Variants in ATAD2B observed in about 807,000 individuals in gnomAD.
ATAD2B encodes ATPase family AAA domain-containing protein 2B.
In ATAD2B, 40 loss-of-function variants were observed where a neutral mutation model predicts 167.6. The ratio of observed to expected loss-of-function variants is 0.24; its 90% CI spans 0.19 to 0.31. The LOEUF (loss-of-function observed/expected upper bound fraction) is 0.31. Among genes scored for constraint, ATAD2B ranks in the 10% least tolerant of loss-of-function variants. The pLI is 1.00. For synonymous variants in ATAD2B, 579 were observed against 596.5 expected, an observed-to-expected ratio of 0.97 and a Z score of 0.43; for missense variants, 1,242 against 1,757.2, an observed-to-expected ratio of 0.71 and a Z score of 5.24.
the ATAD2B span, among the ~76,000 whole-genome samples, chr2:23,717,807 A>G: frequency 6.6e-6 from 1 of 152,240 alleles, no homozygotes; most frequent in Admixed American, 6.5e-5. Context: ...GGCATGTGAC[A>G]ATAATATAGG....
At position 23,751,726 on chromosome 2, in the gene ATAD2B, G is replaced by T; in HGVS notation, c.*320C>A. The stretch of plus-strand genomic sequence containing the variant: ...TTTGCTGGTCTGCTCCCTAAGAGAG[G>T]AGTCTCCAAAAGAGAGTGCACAAAA... On this transcript the variant is annotated 3_prime_UTR_variant, in exon 28 of 28. Transcript: ENST00000238789. 1 of 327,328 alleles carries T rather than the reference G, an allele frequency of 3.1e-6. No individual in the cohort carries two copies. The highest frequency in any genetic ancestry group is 5.6e-6 in the Non-Finnish European group (1 of 179,744). The allele number at this position is 327,328 out of a possible 1,614,324, so 20.3% of individuals were successfully genotyped here.
rs368061602 is a variant in ATAD2B at position 23,866,266 on chromosome 2, G to A, written c.1189-1342C>T. On this transcript the variant is annotated intron_variant, in intron 10 of 27. Coordinates refer to ENST00000238789, the MANE Select transcript of ATAD2B (RefSeq NM_017552.4). ...TAAAAAAATACAAAATTAGCTGGGC[G>A]TGGTGGCGCATGCTTGTAATCCCAG... Among the ~76,000 whole-genome samples, 22 of 152,262 alleles carry A rather than the reference G, an allele frequency of 1.4e-4. No homozygotes were observed. In the Middle Eastern group the frequency reaches 0.01, roughly 71 times the overall value.
chr2:23,733,534 G>A, the ATAD2B span, among the ~76,000 whole-genome samples: 7 of 152,226 alleles, frequency 4.6e-5, no homozygotes, highest in East Asian at 1.3e-3. Flanking sequence ...AACCTTAAAA[G>A]CCTCCAGTTC....
the ATAD2B span, among the ~76,000 whole-genome samples, chr2:23,701,979 A>ATTTTT: frequency 6.9e-6 from 1 of 144,578 alleles, no homozygotes; most frequent in East Asian, 2.0e-4. Context: ...TGCCCAGCTA[A>ATTTTT]TTTTTTTTTT....
chr2:23,704,421 C>T, the ATAD2B span, among the ~76,000 whole-genome samples: 2 of 152,214 alleles, frequency 1.3e-5, no homozygotes, highest in African/African-American at 4.8e-5. Flanking sequence ...AGACACCAGT[C>T]CCTGCTCTTC....
At chr2:23,862,663 C>T (rs1405991670) in intron 12 of ATAD2B, among the ~76,000 whole-genome samples, 1 of 152,146 alleles carries the variant, frequency 6.6e-6, no homozygotes, top group African/African-American at 2.4e-5. Flanking sequence ...GATATTTATT[C>T]ACCCTGCTCT....
the ATAD2B span, among the ~76,000 whole-genome samples, chr2:23,740,450 CCA>C: frequency 1.8e-4 from 27 of 150,076 alleles, no homozygotes; most frequent in East Asian, 3.6e-3. Context: ...AAGACAAAAA[CCA>C]CATGATTATC....
the ATAD2B span, among the ~76,000 whole-genome samples, chr2:23,698,532 T>C: frequency 6.6e-6 from 1 of 151,584 alleles, no homozygotes; most frequent in Non-Finnish European, 1.5e-5. Flanking sequence ...CAAATGGCTA[T>C]TATATTGATA....
intron 18 of ATAD2B, 92 bp from the exon 19 acceptor site, chr2:23,798,415 C>T (rs1426062263): frequency 5.1e-6 from 5 of 986,260 alleles, no homozygotes; most frequent in Non-Finnish European, 7.2e-6. Flanking sequence ...TATGTCAGGC[C>T]TATTATGGTC....
At chr2:23,727,702 A>G in the ATAD2B span, among the ~76,000 whole-genome samples, 5 of 152,226 alleles carry the variant, frequency 3.3e-5, no homozygotes, top group Non-Finnish European at 5.9e-5. Context: ...AGACTCTGGC[A>G]TATCCATACA....
rs1001088211 is a variant in ATAD2B, at chr2:23,872,981, T to C, written c.977+2848A>G. On this transcript the variant is annotated intron_variant, in intron 8 of 27. Coordinates refer to ENST00000238789, the MANE Select transcript of ATAD2B (RefSeq NM_017552.4). The stretch of plus-strand genomic sequence containing the variant: ...TTCTCCAGGTTCCAGGTGCTCTCAC[T>C]GGGCCAGATCAACACCAGTTTGTAG... The C allele has an allele frequency of 4.1e-6, 3 of 736,058 alleles. No homozygotes were observed. In the South Asian group the frequency reaches 4.2e-5, roughly 10 times the overall value. 45.6% of individuals were successfully genotyped at this position (736,058 alleles called of 1,614,324 possible).
chr2:23,888,424 G>A (rs1699002164), intron 2 of ATAD2B, 25 bp from the exon 3 acceptor site: 5 of 1,461,702 alleles, frequency 3.4e-6, no homozygotes, highest in African/African-American at 1.4e-5. Flanking sequence ...TATTTAATAT[G>A]CAAACACATC....
chr2:23,880,495 A>G (rs1697715217), intron 7 of ATAD2B, 144 bp downstream of exon 7: 1 of 586,916 alleles, frequency 1.7e-6, no homozygotes, highest in Non-Finnish European at 3.0e-6. Context: ...CCCAGGAGGC[A>G]CAGCTTGCAG....
In ATAD2B at chr2:23,926,752, T is replaced by C. The variant is rs1704931079; in HGVS notation, c.19A>G (p.Ser7Gly). The part of the protein sequence containing the change: MVNTRK[S>G]SLRLLGSKSP... ...TTGGACCCGAGAAGGCGGAGAGAGC[T>C]CTTCCGGGTGTTCACCATGGTCCAG... Residue 7 changes from serine (S) to glycine (G), a missense_variant, in exon 1 of 28, where the codon AGC becomes GGC. Ser to Gly is a moderately conservative substitution (Grantham distance 56). Transcript: ENST00000238789. 5 of 1,544,988 alleles carry C rather than the reference T, an allele frequency of 3.2e-6. No individual in the cohort carries two copies. The highest frequency in any genetic ancestry group is 4.0e-5 in the Admixed American group (2 of 50,574).
At position 23,810,509 on chromosome 2, in the gene ATAD2B, T is replaced by C; in HGVS notation, c.2268-7A>G. 6.2e-7 allele frequency: 1 copy of C among 1,608,972 alleles called. No individual in the cohort carries two copies. Among genetic ancestry groups the C allele is most frequent in the Non-Finnish European group, 8.5e-7 (1 of 1,175,760 alleles). ...TGGCTGATGATATGGTGACCTGTAA[T>C]ACATGTAAGACATAATTATTTCAAA... is the stretch of plus-strand genomic sequence containing the variant. On this transcript the variant is annotated splice_polypyrimidine_tract_variant and splice_region_variant and intron_variant, in intron 17 of 27. Transcript: ENST00000238789.
intron 20 of ATAD2B, among the ~76,000 whole-genome samples, chr2:23,786,992 G>A (rs1680918642): frequency 6.6e-6 from 1 of 150,746 alleles, no homozygotes; most frequent in Non-Finnish European, 1.5e-5. Flanking sequence ...TCCTGCCCTC[G>A]TATTCTGAGT....
intron 22 of ATAD2B, among the ~76,000 whole-genome samples, chr2:23,774,322 TC>T (rs1268219117): frequency 2.0e-5 from 3 of 152,032 alleles, no homozygotes; most frequent in Non-Finnish European, 4.4e-5. Flanking sequence ...TGGTTGTAAG[TC>T]CTGTAGCTGT....
chr2:23,781,570 C>G (rs1489022280), intron 22 of ATAD2B, among the ~76,000 whole-genome samples: 1 of 151,764 alleles, frequency 6.6e-6, no homozygotes, highest in East Asian at 1.9e-4. Flanking sequence ...GAGGCTGAGC[C>G]AGGAGAATCA....
At chr2:23,868,905 T>G (rs55993671) in intron 9 of ATAD2B, among the ~76,000 whole-genome samples, 12,169 of 152,272 alleles carry the variant, frequency 0.08, 608 homozygotes, top group South Asian at 0.11. Flanking sequence ...TGAATCCTAA[T>G]TTATAAAAAT....
Sources: allele counts gnomAD v4.1 joint callset (sites outside exome capture counted in the v4.1 genomes callset), GRCh38; gene constraint gnomAD v4.1.1; transcripts MANE v1.5; gene names NCBI Gene and HGNC (gene_info 2026-07-23, HGNC 2026-07-21).